Variants in NTRK2 observed in about 807,000 individuals in gnomAD.
The protein encoded by NTRK2 is neurotrophic receptor tyrosine kinase 2.
A neutral mutation model predicts 94.5 loss-of-function variants in NTRK2; 13 were observed. The observed-to-expected ratio is 0.14, with a 90% CI of 0.09 to 0.22. NTRK2 has a LOEUF of 0.22. Among genes scored for constraint, NTRK2 ranks in the 10% least tolerant of loss-of-function variants. The pLI, the probability that NTRK2 is intolerant of heterozygous loss-of-function variation, is 1.00. For missense variants in NTRK2, 639 were observed against 1,071.2 expected (o/e 0.60, Z 5.63); for synonymous variants, 372 against 407.4 (o/e 0.91, Z 1.05).
chr9:84,806,231 A>C (rs2071095783), intron 12 of NTRK2, among the ~76,000 whole-genome samples: 1 of 152,252 alleles, frequency 6.6e-6, no homozygotes, highest in Non-Finnish European at 1.5e-5. Flanking sequence ...TAAAAGGTAC[A>C]AAAGAAGGTC....
chr9:84,790,268 C>A (rs1020993445), intron 12 of NTRK2, among the ~76,000 whole-genome samples: 4 of 152,200 alleles, frequency 2.6e-5, no homozygotes, highest in African/African-American at 9.6e-5. Flanking sequence ...GACTAATCAT[C>A]ATCCCCACAA....
intron 12 of NTRK2, among the ~76,000 whole-genome samples, chr9:84,820,153 TTTTCTTTC>T (rs1011292310): frequency 1.3e-5 from 2 of 150,842 alleles, no homozygotes; most frequent in Non-Finnish European, 2.9e-5. Flanking sequence ...AGCTTACTTT[TTTTCTTTC>T]TTTCTTTCTT....
chr9:84,978,093 C>T (rs1827122691), intron 17 of NTRK2, among the ~76,000 whole-genome samples: 3 of 152,080 alleles, frequency 2.0e-5, no homozygotes, highest in Non-Finnish European at 4.4e-5. Context: ...GAAATTTGGA[C>T]AATTAATAAC....
intron 2 of NTRK2, among the ~76,000 whole-genome samples, chr9:84,673,068 A>G (rs2058800963): frequency 1.3e-5 from 2 of 152,158 alleles, no homozygotes; most frequent in Admixed American, 6.5e-5. Context: ...TAGGTTAGTA[A>G]TATTAGTCTG....
At chr9:84,859,089 A>T (rs1043954680) in intron 12 of NTRK2, among the ~76,000 whole-genome samples, 1 of 152,226 alleles carries the variant, frequency 6.6e-6, no homozygotes, top group Admixed American at 6.5e-5. Flanking sequence ...TAATGACTTC[A>T]CAAGTGAGAG....
chr9:84,836,154 G>A (rs2073861150), intron 12 of NTRK2, among the ~76,000 whole-genome samples: 1 of 152,136 alleles, frequency 6.6e-6, no homozygotes, highest in Non-Finnish European at 1.5e-5. Context: ...GTTAAAATAT[G>A]CTGACATATT....
intron 14 of NTRK2, among the ~76,000 whole-genome samples, chr9:84,881,922 T>A (rs932859490): frequency 6.6e-6 from 1 of 152,230 alleles, no homozygotes; most frequent in African/African-American, 2.4e-5. Context: ...CAAGGCCTAA[T>A]GCTGAAGTTT....
chr9:84,718,075 C>CT (rs200916575), intron 6 of NTRK2, among the ~76,000 whole-genome samples: 7,530 of 149,306 alleles, frequency 0.05, 268 homozygotes, highest in Non-Finnish European at 0.071. Flanking sequence ...TTTCTTCTTC[C>CT]TTTTTTTTTG....
At chr9:84,738,270 TCAGATA>T (rs2063392744) in intron 9 of NTRK2, among the ~76,000 whole-genome samples, 1 of 151,616 alleles carries the variant, frequency 6.6e-6, no homozygotes, top group Non-Finnish European at 1.5e-5. Flanking sequence ...ATGGCTCAAG[TCAGATA>T]CAGCTTCTTT....
chr9:84,974,893 G>A (rs1459817057), intron 17 of NTRK2, among the ~76,000 whole-genome samples: 2 of 152,212 alleles, frequency 1.3e-5, no homozygotes, highest in Non-Finnish European at 2.9e-5. Flanking sequence ...TCCCCTGGGT[G>A]TGGCATATTT....
chr9:84,963,386 A>C (rs535559348), intron 17 of NTRK2, among the ~76,000 whole-genome samples: 1 of 152,326 alleles, frequency 6.6e-6, no homozygotes, highest in African/African-American at 2.4e-5. Flanking sequence ...CATTGACCTT[A>C]TGCATCATGA....
intron 15 of NTRK2, among the ~76,000 whole-genome samples, chr9:84,941,864 A>AC (rs1213710156): frequency 6.6e-6 from 1 of 152,228 alleles, no homozygotes; most frequent in African/African-American, 2.4e-5. Context: ...TATTTTATCC[A>AC]CCATATTATT....
chr9:84,736,192 T>C (rs2132221364), intron 9 of NTRK2, among the ~76,000 whole-genome samples: 1 of 152,314 alleles, frequency 6.6e-6, no homozygotes, highest in Admixed American at 6.5e-5. Context: ...AGAGTGTCTG[T>C]ATGGCCCACT....
rs76952868 is a variant in NTRK2 at position 84,870,113 on chromosome 9, A to G, written c.1633+2682A>G. Among the ~76,000 whole-genome samples the G allele has an allele frequency of 4.6e-3, 613 of 133,674 alleles. 13 individuals are homozygous for G. Among genetic ancestry groups the G allele is most frequent in the Admixed American group, 0.038 (494 of 12,842 alleles). 87.7% of individuals were successfully genotyped at this position (133,674 alleles called of 152,430 possible). The stretch of plus-strand genomic sequence containing the variant: ...TCCCATTGACTATATATATATATAT[A>G]TATATATATATATACACACACACAC... On this transcript the variant is annotated intron_variant, in intron 14 of 18. Coordinates refer to ENST00000277120, the MANE Select transcript of NTRK2 (RefSeq NM_006180.6).
At chr9:85,005,223 A>T (rs1830826428) in intron 17 of NTRK2, among the ~76,000 whole-genome samples, 5 of 152,236 alleles carry the variant, frequency 3.3e-5, no homozygotes, top group Admixed American at 2.0e-4. Context: ...CAAGACTCAG[A>T]AAACATGGCT....
intron 17 of NTRK2, among the ~76,000 whole-genome samples, chr9:84,967,220 T>A (rs62563927): frequency 1.3e-5 from 2 of 152,178 alleles, no homozygotes; most frequent in Admixed American, 1.3e-4. Flanking sequence ...TGGAAAGTGA[T>A]GCACCATGTT....
intron 14 of NTRK2, chr9:84,875,545 G>A (rs2076031716): frequency 9.4e-7 from 1 of 1,063,390 alleles, no homozygotes; most frequent in East Asian, 5.0e-5. Context: ...CTTCACCCTA[G>A]CTAGCTCCTT....
intron 2 of NTRK2, among the ~76,000 whole-genome samples, chr9:84,673,783 C>G (rs2131304868): frequency 6.6e-6 from 1 of 152,308 alleles, no homozygotes; most frequent in South Asian, 2.1e-4. Context: ...CTTCCCATCA[C>G]AGTACCTGTT....
chr9:84,761,920 C>T (rs1426031257), intron 12 of NTRK2, among the ~76,000 whole-genome samples: 3 of 152,170 alleles, frequency 2.0e-5, no homozygotes, highest in African/African-American at 7.2e-5. Flanking sequence ...TCCCATAATT[C>T]TCATGTGTCT....
Sources: gnomAD v4.1 joint callset for allele counts (sites outside exome capture counted in the v4.1 genomes callset) on GRCh38, gnomAD v4.1.1 for gene constraint, MANE v1.5 for transcripts, NCBI Gene and HGNC (gene_info 2026-07-23, HGNC 2026-07-21) for gene names.